The following CAMK1D variants were observed in gnomAD, a reference collection of about 807,000 sequenced individuals.
CAMK1D encodes calcium/calmodulin-dependent protein kinase type 1D.
Under a neutral mutation model 47.7 loss-of-function variants are expected in CAMK1D, and 9 were observed. The ratio of observed to expected loss-of-function variants is 0.19; its 90% CI spans 0.11 to 0.33. The LOEUF (loss-of-function observed/expected upper bound fraction) is 0.33, where lower values mean the gene tolerates loss of function less well. Among genes scored for constraint, CAMK1D ranks in the 10% least tolerant of loss-of-function variants. The pLI is 1.00. For synonymous variants in CAMK1D, 184 were observed against 184.9 expected (o/e 0.99, Z 0.04); for missense variants, 291 against 488.7 (o/e 0.60, Z 3.81).
At chr10:12,827,279 T>C (rs866267535) in intron 10 of CAMK1D, among the ~76,000 whole-genome samples, 2 of 12,582 alleles carry the variant, frequency 1.6e-4, no homozygotes, top group Non-Finnish European at 4.3e-4. Context: ...TCTCTTTCTT[T>C]TCTTTTTCTT....
intron 1 of CAMK1D, among the ~76,000 whole-genome samples, chr10:12,527,273 C>G (rs7084330): frequency 0.28 from 42,968 of 151,232 alleles, 6,354 homozygotes; most frequent in East Asian, 0.38. Flanking sequence ...TTGTCTCAGT[C>G]CTCTGGCCAG....
At chr10:12,808,669 T>G (rs1286653237) in intron 6 of CAMK1D, among the ~76,000 whole-genome samples, 1 of 151,614 alleles carries the variant, frequency 6.6e-6, no homozygotes, top group African/African-American at 2.4e-5. Flanking sequence ...TCCCAGCTAC[T>G]CTGGAGGCTG....
At chr10:12,386,197 G>A (rs1838489579) in intron 1 of CAMK1D, among the ~76,000 whole-genome samples, 1 of 152,292 alleles carries the variant, frequency 6.6e-6, no homozygotes, top group South Asian at 2.1e-4. Context: ...CCAGCACTTT[G>A]GTAGGCCAAG....
chr10:12,464,814 T>A (rs1467301456), intron 1 of CAMK1D, among the ~76,000 whole-genome samples: 8 of 142,402 alleles, frequency 5.6e-5, no homozygotes, highest in African/African-American at 2.1e-4. Flanking sequence ...GACTCCATCT[T>A]AAAAAAAAAA....
chr10:12,645,856 G>C (rs1839797341), intron 2 of CAMK1D, among the ~76,000 whole-genome samples: 1 of 152,142 alleles, frequency 6.6e-6, no homozygotes, highest in South Asian at 2.1e-4. Flanking sequence ...TGAGATCAAT[G>C]TTCCCAAGAA....
intron 6 of CAMK1D, among the ~76,000 whole-genome samples, chr10:12,795,498 C>T (rs962998019): frequency 9.2e-5 from 14 of 152,350 alleles, no homozygotes; most frequent in Admixed American, 1.3e-4. Flanking sequence ...ACGGAAGTCA[C>T]GGAGCGCCTC....
At chr10:12,622,842 A>G (rs934958116) in intron 2 of CAMK1D, among the ~76,000 whole-genome samples, 3 of 151,928 alleles carry the variant, frequency 2.0e-5, no homozygotes, top group African/African-American at 4.8e-5. Flanking sequence ...AGAGGGGAGG[A>G]TGTAGGAGTG....
At chr10:12,809,215 T>A (rs1343171773) in intron 6 of CAMK1D, among the ~76,000 whole-genome samples, 2 of 152,216 alleles carry the variant, frequency 1.3e-5, no homozygotes, top group Non-Finnish European at 2.9e-5. Flanking sequence ...TGGTTTTGAT[T>A]TGCACTTCCC....
chr10:12,717,345 T>G (rs569626209), intron 3 of CAMK1D, among the ~76,000 whole-genome samples: 1 of 152,194 alleles, frequency 6.6e-6, no homozygotes, highest in South Asian at 2.1e-4. Flanking sequence ...GGATAGTCCT[T>G]ATAAAAAAAT....
At chr10:12,353,458 G>A (rs997431055) in intron 1 of CAMK1D, among the ~76,000 whole-genome samples, 1 of 152,194 alleles carries the variant, frequency 6.6e-6, no homozygotes, top group Non-Finnish European at 1.5e-5. Context: ...ACCTCATGGA[G>A]CCGAGCATTT....
At chr10:12,373,370 G>A (rs930907977) in intron 1 of CAMK1D, among the ~76,000 whole-genome samples, 9 of 151,798 alleles carry the variant, frequency 5.9e-5, no homozygotes, top group African/African-American at 9.7e-5. Flanking sequence ...TGTGGTGCAC[G>A]CCTGTAATCC....
intron 1 of CAMK1D, among the ~76,000 whole-genome samples, chr10:12,497,963 G>T (rs556289860): frequency 1.9e-4 from 29 of 152,308 alleles, no homozygotes; most frequent in African/African-American, 6.0e-4. Context: ...GGGAGTGAAG[G>T]CACATCTTCC....
At chr10:12,788,563 C>T (rs1359879090) in intron 5 of CAMK1D, among the ~76,000 whole-genome samples, 4 of 152,232 alleles carry the variant, frequency 2.6e-5, no homozygotes, top group Admixed American at 6.5e-5. Flanking sequence ...CATCAGGCCA[C>T]GAGGCTGGCC....
chr10:12,378,865 C>G (rs1213541648), intron 1 of CAMK1D, among the ~76,000 whole-genome samples: 2 of 148,152 alleles, frequency 1.3e-5, no homozygotes, highest in African/African-American at 2.5e-5. Flanking sequence ...GCTGGAGTGC[C>G]GTGGTGCGCT....
rs1003564692 is a variant in CAMK1D, at chr10:12,831,264, T to C, written c.*2377T>C. Reference sequence around the variant, plus strand: ...CAATGAATGAATATTATAAGCAGTATTGGAGAACTAGGCGGTTGCTTACTA... The same window carrying C: ...CAATGAATGAATATTATAAGCAGTACTGGAGAACTAGGCGGTTGCTTACTA... On this transcript the variant is annotated 3_prime_UTR_variant, in exon 11 of 11. Coordinates refer to ENST00000619168, the MANE Select transcript of CAMK1D (RefSeq NM_153498.4). 5.3e-5 allele frequency: 8 copies of C among 152,160 alleles called. No homozygotes were observed. Among genetic ancestry groups the C allele is most frequent in the Admixed American group, 3.3e-4 (5 of 15,264 alleles). The allele number at this position is 152,160 out of a possible 1,614,324, so 9.4% of individuals were successfully genotyped here. A position where few individuals can be genotyped will look rare whatever the true frequency, so the allele number is the denominator to read the frequency against.
chr10:12,771,543 CAA>C (rs909868609), intron 5 of CAMK1D, among the ~76,000 whole-genome samples: 1 of 152,078 alleles, frequency 6.6e-6, no homozygotes, highest in South Asian at 2.1e-4. Context: ...GGAGGAAAGA[CAA>C]GAGCAGGCTG....
chr10:12,738,578 A>G (rs1378944504), intron 3 of CAMK1D, among the ~76,000 whole-genome samples: 3 of 152,226 alleles, frequency 2.0e-5, no homozygotes, highest in East Asian at 1.9e-4. Context: ...CACACCTGTA[A>G]TCCCAGCACT....
rs114840708 is a variant in CAMK1D, at chr10:12,432,789, T to G, written c.92+82879T>G. On this transcript the variant is annotated intron_variant, in intron 1 of 10. Coordinates refer to ENST00000619168, the MANE Select transcript of CAMK1D (RefSeq NM_153498.4). ...CCCATTGTCCACCCTTACCGTGTCC[T>G]TGTCACTGGTGTTCTGCCCTCATTG... Among the ~76,000 whole-genome samples the G allele has an allele frequency of 1.9e-3, 284 of 152,352 alleles. 1 individual carries two copies. Among genetic ancestry groups the G allele is most frequent in the African/African-American group, 6.3e-3 (263 of 41,580 alleles).
chr10:12,356,842 T>C (rs1272482967), intron 1 of CAMK1D, among the ~76,000 whole-genome samples: 1 of 151,988 alleles, frequency 6.6e-6, no homozygotes, highest in Non-Finnish European at 1.5e-5. Flanking sequence ...GAGAAGCTAA[T>C]GATGACTGTG....
Sources: allele counts gnomAD v4.1 joint callset (sites outside exome capture counted in the v4.1 genomes callset), GRCh38; gene constraint gnomAD v4.1.1; transcripts MANE v1.5; gene names NCBI Gene and HGNC (gene_info 2026-07-23, HGNC 2026-07-21).